Variants in ZFPM2 observed in about 807,000 individuals in gnomAD.
ZFPM2 encodes zinc finger protein, FOG family member 2.
ZFPM2 carries 20 observed loss-of-function variants against 98.6 expected under a neutral mutation model. The observed-to-expected ratio is 0.20, with a 90% CI of 0.14 to 0.29. The LOEUF is 0.29. ZFPM2 is among the 10% of genes least tolerant of loss of function. ZFPM2 has a pLI of 1.00. For missense variants in ZFPM2, 1,310 were observed against 1,388.6 expected (o/e 0.94, Z 0.90); for synonymous variants, 518 against 502.7 (o/e 1.03, Z -0.41).
At chr8:105,527,120 G>A (rs1425790488) in intron 3 of ZFPM2, among the ~76,000 whole-genome samples, 2 of 152,138 alleles carry the variant, frequency 1.3e-5, no homozygotes, top group Non-Finnish European at 2.9e-5. Context: ...AACAAAAATA[G>A]CATTACTCTC....
In ZFPM2 at chr8:105,603,652, A is replaced by G. The variant is rs1249497641; in HGVS notation, c.421-30594A>G. ...GAAATTATGATCTTTTGAATCAGAC[A>G]TCACCCACCAGTGTGAGTCCTAGCT... is the stretch of plus-strand genomic sequence containing the variant. On this transcript the variant is annotated intron_variant, in intron 4 of 7. Coordinates refer to ENST00000407775, the MANE Select transcript of ZFPM2 (RefSeq NM_012082.4). 2.0e-5 allele frequency among the ~76,000 whole-genome samples: 3 copies of G among 152,138 alleles called. 1 individual carries two copies. Among genetic ancestry groups the G allele is most frequent in the South Asian group, 4.1e-4 (2 of 4,830 alleles).
At chr8:105,512,626 G>T (rs1253059237) in intron 3 of ZFPM2, among the ~76,000 whole-genome samples, 1 of 152,144 alleles carries the variant, frequency 6.6e-6, no homozygotes, top group African/African-American at 2.4e-5. Context: ...GTTAAAGGGT[G>T]AATGTATCTC....
In ZFPM2 at chr8:105,747,761, AAC is replaced by A. The variant is rs1429830721; in HGVS notation, c.533-40954_533-40953del. Among the ~76,000 whole-genome samples, 11 of 152,212 alleles carry A rather than the reference AAC, an allele frequency of 7.2e-5. 2 individuals carry two copies. The South Asian group carries it at 2.3e-3, about 32-fold the overall frequency. On this transcript the variant is annotated intron_variant, in intron 5 of 7. Transcript: ENST00000407775. The stretch of plus-strand genomic sequence containing the variant: ...TCTCTGTTAAATATACTAGTGTGGA[AAC>A]ACTGGTGAAAAGGAAGTGATTCAGA...
intron 2 of ZFPM2, among the ~76,000 whole-genome samples, chr8:105,427,633 C>T (rs1281143879): frequency 6.6e-6 from 1 of 152,158 alleles, no homozygotes; most frequent in Non-Finnish European, 1.5e-5. Flanking sequence ...ATCTTTATCT[C>T]TGGTAGGCCT....
intron 3 of ZFPM2, among the ~76,000 whole-genome samples, chr8:105,535,969 T>C (rs1033150431): frequency 6.6e-6 from 1 of 152,194 alleles, no homozygotes; most frequent in African/African-American, 2.4e-5. Flanking sequence ...TAATTAGAGA[T>C]GGGAACTTGT....
chr8:105,741,834 C>T (rs1324179887), intron 5 of ZFPM2, among the ~76,000 whole-genome samples: 2 of 151,700 alleles, frequency 1.3e-5, no homozygotes, highest in Non-Finnish European at 2.9e-5. Context: ...AAAGTAGGCA[C>T]GAAGTTGGAA....
intron 1 of ZFPM2, among the ~76,000 whole-genome samples, chr8:105,417,621 A>G (rs1424262449): frequency 6.6e-6 from 1 of 152,164 alleles, no homozygotes; most frequent in African/African-American, 2.4e-5. Context: ...TTACTGTTTT[A>G]TATATTCTTT....
intron 3 of ZFPM2, among the ~76,000 whole-genome samples, chr8:105,447,687 A>C (rs557424949): frequency 1.7e-4 from 26 of 152,194 alleles, no homozygotes; most frequent in Non-Finnish European, 2.5e-4. Context: ...GAACAGAGTC[A>C]AAGGATGGGA....
intron 2 of ZFPM2, among the ~76,000 whole-genome samples, chr8:105,420,968 G>A (rs942953815): frequency 2.6e-5 from 4 of 151,988 alleles, no homozygotes; most frequent in Non-Finnish European, 5.9e-5. Context: ...CTGGTTAAGG[G>A]CTATGTTTAA....
At chr8:105,711,279 C>G (rs114277817) in intron 5 of ZFPM2, among the ~76,000 whole-genome samples, 92 of 152,204 alleles carry the variant, frequency 6.0e-4, no homozygotes, top group African/African-American at 2.0e-3. Flanking sequence ...TCACAACTAA[C>G]AGCTATTGCT....
intron 3 of ZFPM2, among the ~76,000 whole-genome samples, chr8:105,447,861 G>A (rs1812406619): frequency 6.6e-6 from 1 of 152,038 alleles, no homozygotes; most frequent in South Asian, 2.1e-4. Context: ...TTTATCAAAT[G>A]CAGATTCCAC....
intron 5 of ZFPM2, among the ~76,000 whole-genome samples, chr8:105,768,822 T>TAC (rs113463842): frequency 0.11 from 16,017 of 150,146 alleles, 2,803 homozygotes; most frequent in African/African-American, 0.36. Flanking sequence ...AACAAATACA[T>TAC]ACACACACAC....
intron 3 of ZFPM2, among the ~76,000 whole-genome samples, chr8:105,447,078 T>C (rs1379564684): frequency 6.6e-6 from 1 of 152,050 alleles, no homozygotes; most frequent in Non-Finnish European, 1.5e-5. Context: ...TTTCCAAATA[T>C]ATTGGAAAAT....
At chr8:105,680,680 C>G (rs1810580145) in intron 5 of ZFPM2, among the ~76,000 whole-genome samples, 1 of 152,034 alleles carries the variant, frequency 6.6e-6, no homozygotes, top group Non-Finnish European at 1.5e-5. Flanking sequence ...ACTGGAACTA[C>G]CAGTGAATAT....
chr8:105,678,159 G>T (rs1431864537), intron 5 of ZFPM2, among the ~76,000 whole-genome samples: 2 of 152,118 alleles, frequency 1.3e-5, no homozygotes, highest in African/African-American at 4.8e-5. Context: ...AATTAATTCT[G>T]CAGTGAAAGA....
intron 1 of ZFPM2, among the ~76,000 whole-genome samples, chr8:105,350,118 G>T (rs886071465): frequency 6.6e-6 from 1 of 152,114 alleles, no homozygotes; most frequent in Non-Finnish European, 1.5e-5. Flanking sequence ...AGGAGGAAAG[G>T]ATAAAGAAAA....
At chr8:105,775,929 C>T (rs565257432) in intron 5 of ZFPM2, among the ~76,000 whole-genome samples, 1 of 152,234 alleles carries the variant, frequency 6.6e-6, no homozygotes, top group Admixed American at 6.5e-5. Flanking sequence ...CCAGAAAGCT[C>T]TGAGTGCTTT....
intron 4 of ZFPM2, among the ~76,000 whole-genome samples, chr8:105,600,533 G>T (rs1365272051): frequency 2.0e-5 from 3 of 151,614 alleles, no homozygotes; most frequent in Non-Finnish European, 2.9e-5. Flanking sequence ...TATTTTTAAG[G>T]TTTTTGTTTC....
At chr8:105,361,937 G>A (rs1199661488) in intron 1 of ZFPM2, among the ~76,000 whole-genome samples, 1 of 151,960 alleles carries the variant, frequency 6.6e-6, no homozygotes, top group Non-Finnish European at 1.5e-5. Flanking sequence ...TTTAGCCTAA[G>A]AACAACAGGC....
Sources: gnomAD v4.1 joint callset for allele counts (sites outside exome capture counted in the v4.1 genomes callset) on GRCh38, gnomAD v4.1.1 for gene constraint, MANE v1.5 for transcripts, NCBI Gene and HGNC (gene_info 2026-07-23, HGNC 2026-07-21) for gene names.